The following MOCOS variants were observed in gnomAD, a reference collection of about 807,000 sequenced individuals.
The protein encoded by MOCOS is human molybdenum cofactor sulfurase.
MOCOS carries 86 observed loss-of-function variants against 83.6 expected under a neutral mutation model. The observed-to-expected ratio is 1.03, with a 90% CI of 0.86 to 1.23. The LOEUF is 1.23. MOCOS is among the 50% of genes most tolerant of loss of function. The probability of loss-of-function intolerance (pLI) is 0.00; values close to 1 mark genes in which losing one functional copy is unlikely to be tolerated. For synonymous variants in MOCOS, 445 were observed against 434.7 expected, an observed-to-expected ratio of 1.02 and a Z score of -0.29; for missense variants, 1,120 against 1,126.9, an observed-to-expected ratio of 0.99 and a Z score of 0.09.
chr18:36,253,350 G>A (rs1284346622), intron 11 of MOCOS, among the ~76,000 whole-genome samples: 1 of 152,118 alleles, frequency 6.6e-6, no homozygotes, highest in Admixed American at 6.5e-5. Flanking sequence ...CAGGGAGGAG[G>A]TGAGTTTGGA....
At chr18:36,267,408 A>G (rs1008192902) in intron 14 of MOCOS, among the ~76,000 whole-genome samples, 43 of 152,232 alleles carry the variant, frequency 2.8e-4, no homozygotes, top group African/African-American at 9.4e-4. Flanking sequence ...AATTCCAGGA[A>G]GCCAAGAAAA....
chr18:36,232,855 TACACACACACACACACACAC>T (rs71168208), intron 9 of MOCOS, among the ~76,000 whole-genome samples: 1 of 147,830 alleles, frequency 6.8e-6, no homozygotes, highest in Non-Finnish European at 1.5e-5. Context: ...AATATTCCAT[TACACACACACACACACACAC>T]ACACACACAC....
At chr18:36,250,195 T>C (rs573360566) in intron 10 of MOCOS, among the ~76,000 whole-genome samples, 116 of 152,236 alleles carry the variant, frequency 7.6e-4, no homozygotes, top group Admixed American at 1.7e-3. Context: ...TAAAGATTTA[T>C]GTATAATAAA....
intron 1 of MOCOS, among the ~76,000 whole-genome samples, chr18:36,190,517 G>A (rs2091360862): frequency 6.6e-6 from 1 of 152,096 alleles, no homozygotes; most frequent in Non-Finnish European, 1.5e-5. Context: ...GGGAGGCTGA[G>A]GTGGGCAGAT....
Position 36,257,013 on chromosome 18 carries a change from C to G in MOCOS, c.2210C>G (p.Ala737Gly), listed in dbSNP as rs1448368337. The G allele has an allele frequency of 6.2e-7, 1 of 1,614,148 alleles. No individual in the cohort carries two copies. Among genetic ancestry groups the G allele is most frequent in the African/African-American group, 1.3e-5 (1 of 75,050 alleles). ...GCCACCCTTTCTCTGGTGAATGAGG[C>G]ACAGTATCTGCTGATCAACACATCC... ...TMATLSLVNE[A>G]QYLLINTSSI... The change falls in exon 12 of 15, where the codon GCA (alanine) becomes GGA (glycine). Residue 737 changes from alanine (A) to glycine (G), a missense_variant. Physicochemically the swap from Ala to Gly is moderately conservative, Grantham distance 60. Coordinates refer to ENST00000261326, the MANE Select transcript of MOCOS (RefSeq NM_017947.4).
At chr18:36,194,856 G>C (rs1053702884) in intron 1 of MOCOS, among the ~76,000 whole-genome samples, 2 of 152,198 alleles carry the variant, frequency 1.3e-5, no homozygotes, top group Non-Finnish European at 2.9e-5. Context: ...TAGTGTTGAG[G>C]GGTGCAGAGC....
rs142294339 is a variant in MOCOS at position 36,252,418 on chromosome 18, T to A, written c.2164+1135T>A. ...TCAAAAAATACAAAAATGAGCCAAG[T>A]ATGCTGGTGCATGCCTATAGTCCCA... is the stretch of plus-strand genomic sequence containing the variant. On this transcript the variant is annotated intron_variant, in intron 11 of 14. Transcript: ENST00000261326. Among the ~76,000 whole-genome samples, 253 of 152,248 alleles carry A rather than the reference T, an allele frequency of 1.7e-3. 2 individuals carry two copies. Among genetic ancestry groups the A allele is most frequent in the African/African-American group, 5.8e-3 (240 of 41,552 alleles).
intron 1 of MOCOS, among the ~76,000 whole-genome samples, chr18:36,189,438 A>G (rs1481256513): frequency 6.6e-6 from 1 of 151,552 alleles, no homozygotes; most frequent in African/African-American, 2.4e-5. Context: ...TCTCCTAGAA[A>G]CAAGACAGAG....
intron 9 of MOCOS, among the ~76,000 whole-genome samples, chr18:36,240,747 G>A (rs951146747): frequency 2.0e-5 from 3 of 152,196 alleles, no homozygotes; most frequent in Admixed American, 2.0e-4. Flanking sequence ...CTGCCGCCTT[G>A]CAGTTTGATC....
chr18:36,199,726 A>T lies in MOCOS; in HGVS notation c.343A>T (p.Ile115Phe), dbSNP rs754921567. Residue 115 changes from isoleucine (I) to phenylalanine (F), a missense_variant, in exon 4 of 15, where the codon ATC becomes TTC. Transcript: ENST00000261326. ...FHTTAEDYTV[I>F]FTAGSTAALK... ...CACCACCGCAGAAGACTACACTGTG[A>T]TCTTCACTGCCGGGAGCACGGCTGC... is the stretch of plus-strand genomic sequence containing the variant. The T allele has an allele frequency of 6.2e-7, 1 of 1,614,098 alleles. No homozygotes were observed.
intron 9 of MOCOS, among the ~76,000 whole-genome samples, chr18:36,244,929 C>A (rs1268633694): frequency 1.3e-5 from 2 of 152,012 alleles, no homozygotes; most frequent in Admixed American, 1.3e-4. Context: ...GTTTTGTCTG[C>A]TATAAGAATA....
chr18:36,239,849 T>A (rs1219405402), intron 9 of MOCOS, among the ~76,000 whole-genome samples: 1 of 152,064 alleles, frequency 6.6e-6, no homozygotes, highest in Non-Finnish European at 1.5e-5. Flanking sequence ...TATTCTTTTT[T>A]CTCTAAATTT....
chr18:36,230,825 G>C (rs540109128), intron 9 of MOCOS, among the ~76,000 whole-genome samples: 4 of 152,312 alleles, frequency 2.6e-5, no homozygotes, highest in African/African-American at 9.6e-5. Context: ...GTTTCAGTGA[G>C]TCTGGTTTCA....
intron 9 of MOCOS, among the ~76,000 whole-genome samples, chr18:36,227,537 A>G (rs2091522538): frequency 6.6e-6 from 1 of 152,014 alleles, no homozygotes; most frequent in South Asian, 2.1e-4. Context: ...CTGGGATAAC[A>G]AGTGCATGCC....
chr18:36,261,457 C>A (rs1268530177), intron 13 of MOCOS, among the ~76,000 whole-genome samples: 1 of 152,150 alleles, frequency 6.6e-6, no homozygotes, highest in Non-Finnish European at 1.5e-5. Context: ...TAATTAGCCA[C>A]TGGTATAAAC....
chr18:36,215,150 C>T (rs751320907), intron 7 of MOCOS, among the ~76,000 whole-genome samples: 17 of 152,298 alleles, frequency 1.1e-4, no homozygotes, highest in Non-Finnish European at 1.9e-4. Context: ...ATCTCAGCCC[C>T]GGGTAGACCT....
At chr18:36,227,659 G>T (rs11663129) in intron 9 of MOCOS, among the ~76,000 whole-genome samples, 13,521 of 152,166 alleles carry the variant, frequency 0.089, 816 homozygotes, top group Non-Finnish European at 0.13. Flanking sequence ...GCCTCCCAAA[G>T]TATGGGGATT....
chr18:36,216,069 A>C, intron 8 of MOCOS, 92 bp downstream of exon 8: 3 of 1,292,692 alleles, frequency 2.3e-6, no homozygotes, highest in Non-Finnish European at 2.1e-6. Context: ...AAAAATCAAA[A>C]TCATTCATCA....
chr18:36,232,487 T>G (rs911091992), intron 9 of MOCOS, among the ~76,000 whole-genome samples: 1 of 152,226 alleles, frequency 6.6e-6, no homozygotes, highest in African/African-American at 2.4e-5. Context: ...TTTCTTTGTG[T>G]TGAGGATGTT....
Sources: allele counts gnomAD v4.1 joint callset (sites outside exome capture counted in the v4.1 genomes callset), GRCh38; gene constraint gnomAD v4.1.1; transcripts MANE v1.5; gene names NCBI Gene and HGNC (gene_info 2026-07-23, HGNC 2026-07-21).